The following WASL variants were observed in gnomAD, a reference collection of about 807,000 sequenced individuals.
The protein encoded by WASL is actin nucleation-promoting factor WASL.
WASL carries 20 observed loss-of-function variants against 55.5 expected under a neutral mutation model. The ratio of observed to expected loss-of-function variants is 0.36; its 90% confidence interval spans 0.25 to 0.52. The LOEUF (loss-of-function observed/expected upper bound fraction) is 0.52. Ranked by LOEUF, WASL falls within the 20% of genes least tolerant of loss-of-function variation. The pLI is 0.92. For missense variants in WASL, 504 were observed against 622.5 expected (o/e 0.81, Z 2.03); for synonymous variants, 249 against 217.6 (o/e 1.14, Z -1.27).
chr7:123,693,260 T>G (rs28377175), intron 8 of WASL, among the ~76,000 whole-genome samples: 1 of 152,302 alleles, frequency 6.6e-6, no homozygotes, highest in African/African-American at 2.4e-5. Context: ...CTTCCCTCTT[T>G]AAAAAAGAAT....
At chr7:123,741,611 T>C (rs1482398842) in intron 1 of WASL, among the ~76,000 whole-genome samples, 1 of 152,176 alleles carries the variant, frequency 6.6e-6, no homozygotes, top group African/African-American at 2.4e-5. Flanking sequence ...TCTGTTTTTC[T>C]ACTCAAAACT....
At chr7:123,738,441 C>A (rs1804274809) in intron 1 of WASL, among the ~76,000 whole-genome samples, 1 of 152,166 alleles carries the variant, frequency 6.6e-6, no homozygotes. Flanking sequence ...CTTCACAGAT[C>A]TAATCCCACT....
chr7:123,731,377 A>G (rs1003411802), intron 1 of WASL, among the ~76,000 whole-genome samples: 15 of 152,198 alleles, frequency 9.9e-5, no homozygotes, highest in Admixed American at 2.6e-4. Context: ...AGAGACTTCA[A>G]CACTCCTCTA....
chr7:123,726,417 G>A (rs1206270066), intron 1 of WASL, among the ~76,000 whole-genome samples: 1 of 151,972 alleles, frequency 6.6e-6, no homozygotes, highest in Non-Finnish European at 1.5e-5. Context: ...GAATCACAAA[G>A]CTCCTAGAAG....
At chr7:123,704,449 GGAACACAATAAACTGTAT>G (rs1562959719) in intron 5 of WASL, among the ~76,000 whole-genome samples, 167 bp downstream of exon 5, 1 of 151,964 alleles carries the variant, frequency 6.6e-6, no homozygotes, top group East Asian at 1.9e-4. Flanking sequence ...ATTAAAAATA[GGAACACAATAAACTGTAT>G]AATTTGATCA....
At position 123,748,814 on chromosome 7, in the gene WASL, G is replaced by A; in HGVS notation, c.-80C>T. The A allele has an allele frequency of 8.0e-7, 1 of 1,245,106 alleles. No individual in the cohort carries two copies. Among genetic ancestry groups the A allele is most frequent in the Non-Finnish European group, 1.1e-6 (1 of 921,468 alleles). The allele number at this position is 1,245,106 out of a possible 1,614,324, so 77.1% of individuals were successfully genotyped here. A position where few individuals can be genotyped will look rare whatever the true frequency, so the allele number is the denominator to read the frequency against. Reference sequence around the variant, plus strand: ...GAGCTCGTTCCCCCTCTCGGTGACAGGGGCGGGGAGAAGTGGAGTCAGAGG... The same window carrying A: ...GAGCTCGTTCCCCCTCTCGGTGACAAGGGCGGGGAGAAGTGGAGTCAGAGG... On this transcript the variant is annotated 5_prime_UTR_variant, in exon 1 of 11. Transcript: ENST00000223023.
chr7:123,710,203 G>A (rs1803733357), intron 1 of WASL, among the ~76,000 whole-genome samples: 1 of 151,778 alleles, frequency 6.6e-6, no homozygotes, highest in Non-Finnish European at 1.5e-5. Flanking sequence ...CCATAATTAT[G>A]TTTTCTGATA....
chr7:123,718,341 T>A (rs961362194), intron 1 of WASL, among the ~76,000 whole-genome samples: 6 of 152,210 alleles, frequency 3.9e-5, no homozygotes, highest in Non-Finnish European at 8.8e-5. Flanking sequence ...TAGAATTTTG[T>A]ATATGAAGAA....
At chr7:123,687,926 A>T (rs1222920378) in intron 10 of WASL, among the ~76,000 whole-genome samples, 2 of 152,192 alleles carry the variant, frequency 1.3e-5, no homozygotes, top group Non-Finnish European at 1.5e-5. Flanking sequence ...TTTATTAAGC[A>T]CCTACTATGT....
chr7:123,688,711 T>C (rs1436077941), intron 10 of WASL, among the ~76,000 whole-genome samples: 1 of 152,144 alleles, frequency 6.6e-6, no homozygotes, highest in Non-Finnish European at 1.5e-5. Flanking sequence ...TCTAAAAATC[T>C]CAAGCTTTGT....
At chr7:123,718,555 C>A (rs189501998) in intron 1 of WASL, among the ~76,000 whole-genome samples, 4 of 151,990 alleles carry the variant, frequency 2.6e-5, no homozygotes, top group Admixed American at 6.6e-5. Context: ...TTTTAAGAAT[C>A]CTTCATATAA....
At chr7:123,710,875 C>CA (rs529561521) in intron 1 of WASL, among the ~76,000 whole-genome samples, 304 of 152,244 alleles carry the variant, frequency 2.0e-3, no homozygotes, top group Non-Finnish European at 3.8e-3. Flanking sequence ...ATCCTGCTGC[C>CA]AGCACTGAAA....
intron 4 of WASL, among the ~76,000 whole-genome samples, chr7:123,705,871 A>C (rs576161155): frequency 6.6e-6 from 1 of 152,334 alleles, no homozygotes; most frequent in Non-Finnish European, 1.5e-5. Flanking sequence ...TTGTTTACAA[A>C]GTATAAAATA....
chr7:123,719,187 C>T (rs1213874816), intron 1 of WASL, among the ~76,000 whole-genome samples: 1 of 152,154 alleles, frequency 6.6e-6, no homozygotes, highest in Non-Finnish European at 1.5e-5. Context: ...TACATGTGTT[C>T]TGATCAGCAG....
chr7:123,731,848 G>A (rs548099268), intron 1 of WASL, among the ~76,000 whole-genome samples: 4 of 151,970 alleles, frequency 2.6e-5, no homozygotes, highest in South Asian at 2.1e-4. Context: ...TCTAACTTAC[G>A]AAACTAGAAA....
At position 123,692,729 on chromosome 7, in the gene WASL, G is replaced by A. The variant is rs751264121; in HGVS notation, c.965C>T (p.Pro322Leu). 88 of 1,514,560 alleles carry A rather than the reference G, an allele frequency of 5.8e-5. No homozygotes were observed. Among genetic ancestry groups the A allele is most frequent in the Non-Finnish European group, 7.6e-5 (86 of 1,133,826 alleles). 93.8% of individuals were successfully genotyped at this position (1,514,560 alleles called of 1,614,324 possible). A position where few individuals can be genotyped will look rare whatever the true frequency, so the allele number is the denominator to read the frequency against. The change falls in exon 9 of 11, where the codon CCT becomes CTT. Residue 322 changes from proline (P) to leucine (L), a missense_variant. By Grantham distance (98) the Pro-to-Leu change is moderately conservative. Transcript: ENST00000223023. ...PPPSRAPTAA[P>L]PPPPPSRPSV... ...TGGCCTGGAAGGAGGCGGTGGTGGA[G>A]GTGCAGCTGTGGGAGCTCTTGAAGG... is the stretch of plus-strand genomic sequence containing the variant.
chr7:123,719,197 G>A (rs1803894712), intron 1 of WASL, among the ~76,000 whole-genome samples: 1 of 152,180 alleles, frequency 6.6e-6, no homozygotes, highest in South Asian at 2.1e-4. Context: ...CTGATCAGCA[G>A]TGCAAAATAT....
intron 2 of WASL, among the ~76,000 whole-genome samples, chr7:123,708,567 G>C (rs1286570975): frequency 6.6e-6 from 1 of 152,048 alleles, no homozygotes; most frequent in Non-Finnish European, 1.5e-5. Context: ...ATTTATGATT[G>C]GAAGGGAGGG....
At chr7:123,695,376 C>T (rs1217664481) in intron 7 of WASL, among the ~76,000 whole-genome samples, 2 of 152,158 alleles carry the variant, frequency 1.3e-5, no homozygotes, top group Admixed American at 6.5e-5. Flanking sequence ...TGCATCCAAA[C>T]GCTGATTAAT....
Sources: gnomAD v4.1 joint callset for allele counts (sites outside exome capture counted in the v4.1 genomes callset) on GRCh38, gnomAD v4.1.1 for gene constraint, MANE v1.5 for transcripts, NCBI Gene and HGNC (gene_info 2026-07-23, HGNC 2026-07-21) for gene names.